The following ADAMTSL1 variants were observed in gnomAD, a reference collection of about 807,000 sequenced individuals.
ADAMTSL1 encodes the protein ADAMTS-like protein 1.
A neutral mutation model predicts 201.8 loss-of-function variants in ADAMTSL1; 126 were observed. The observed-to-expected ratio is 0.62, with a 90% confidence interval of 0.54 to 0.72. The LOEUF (loss-of-function observed/expected upper bound fraction) is 0.72. Among genes scored for constraint, ADAMTSL1 ranks in the 30% least tolerant of loss-of-function variants. The probability of loss-of-function intolerance (pLI) is 0.00; values close to 1 mark genes in which losing one functional copy is unlikely to be tolerated. For missense variants in ADAMTSL1, 2,679 were observed against 2,277.8 expected, an observed-to-expected ratio of 1.18 and a Z score of -3.59; for synonymous variants, 1,121 against 903.4, an observed-to-expected ratio of 1.24 and a Z score of -4.32.
At position 18,777,179 on chromosome 9, in the gene ADAMTSL1, A is replaced by T. The variant is rs776220647; in HGVS notation, c.2950A>T (p.Arg984Trp). Residue 984 changes from arginine to tryptophan, a missense_variant, in exon 19 of 29, where the codon AGG (arginine) becomes TGG (tryptophan). Transcript: ENST00000380548. ...PRSEEEVLAG[R>W]KGGPKEALQT... ...AAGTGAGGAAGAGGTGCTTGCGGGGAGGAAGGGCGGCCCGAAGGAGGCCCT... is the reference window on the plus strand; with the variant it reads ...AAGTGAGGAAGAGGTGCTTGCGGGGTGGAAGGGCGGCCCGAAGGAGGCCCT... 1.9e-5 allele frequency: 30 copies of T among 1,612,670 alleles called. No individual in the cohort carries two copies. Among genetic ancestry groups the T allele is most frequent in the Admixed American group, 1.0e-4 (6 of 60,002 alleles).
chr9:18,025,644 G>A (rs1313161063), intron 1 of ADAMTSL1, among the ~76,000 whole-genome samples: 1 of 152,038 alleles, frequency 6.6e-6, no homozygotes, highest in Non-Finnish European at 1.5e-5. Flanking sequence ...ATGCTGTTTT[G>A]GTTACTGTGG....
chr9:18,348,019 G>A (rs974765712), intron 2 of ADAMTSL1, among the ~76,000 whole-genome samples: 2 of 152,160 alleles, frequency 1.3e-5, no homozygotes, highest in Admixed American at 6.5e-5. Flanking sequence ...CTTGAATCCT[G>A]TTAACTTGAA....
chr9:18,626,055 A>G (rs1029043193), intron 5 of ADAMTSL1, among the ~76,000 whole-genome samples: 1 of 152,196 alleles, frequency 6.6e-6, no homozygotes, highest in African/African-American at 2.4e-5. Context: ...GGATTTTTTA[A>G]AGAAAGCACA....
chr9:18,640,253 T>C (rs1587768999), intron 7 of ADAMTSL1, among the ~76,000 whole-genome samples: 1 of 152,072 alleles, frequency 6.6e-6, no homozygotes, highest in Non-Finnish European at 1.5e-5. Flanking sequence ...TTTAATCCAG[T>C]CCAGACGCCA....
chr9:17,982,088 G>T (rs948398748), intron 1 of ADAMTSL1, among the ~76,000 whole-genome samples: 2 of 152,148 alleles, frequency 1.3e-5, no homozygotes, highest in African/African-American at 4.8e-5. Flanking sequence ...TTTCCATATG[G>T]ATAGTTCTCT....
intron 1 of ADAMTSL1, among the ~76,000 whole-genome samples, chr9:18,066,988 G>A (rs1174150229): frequency 6.6e-6 from 1 of 152,164 alleles, no homozygotes; most frequent in Admixed American, 6.5e-5. Context: ...GGACTGTTGT[G>A]GGGTGGGGGG....
intron 2 of ADAMTSL1, among the ~76,000 whole-genome samples, chr9:18,260,403 T>C (rs889638066): frequency 1.3e-5 from 2 of 152,234 alleles, no homozygotes; most frequent in Non-Finnish European, 2.9e-5. Context: ...CACAGAAATA[T>C]TCCGCAAACA....
chr9:18,278,917 G>GT (rs1225389329), intron 2 of ADAMTSL1, among the ~76,000 whole-genome samples: 7 of 150,528 alleles, frequency 4.7e-5, no homozygotes, highest in South Asian at 2.1e-4. Context: ...GAGCTCACTG[G>GT]TTTTTTTTTC....
At chr9:18,087,560 A>T (rs769220303) in intron 1 of ADAMTSL1, among the ~76,000 whole-genome samples, 1 of 152,082 alleles carries the variant, frequency 6.6e-6, no homozygotes, top group South Asian at 2.1e-4. Flanking sequence ...CCATGTGACT[A>T]TGTAATTTTG....
intron 4 of ADAMTSL1, among the ~76,000 whole-genome samples, chr9:18,605,214 C>A (rs1014895697): frequency 6.6e-6 from 1 of 152,120 alleles, no homozygotes; most frequent in African/African-American, 2.4e-5. Flanking sequence ...TCTTTGCATA[C>A]CAATGGGGTA....
intron 4 of ADAMTSL1, among the ~76,000 whole-genome samples, chr9:18,589,116 A>T (rs1475245111): frequency 6.6e-6 from 1 of 151,802 alleles, no homozygotes; most frequent in Non-Finnish European, 1.5e-5. Flanking sequence ...ACCTCAGGTG[A>T]TCTGCCCACC....
intron 1 of ADAMTSL1, among the ~76,000 whole-genome samples, chr9:18,095,509 C>T (rs575465224): frequency 6.7e-6 from 1 of 150,102 alleles, no homozygotes; most frequent in African/African-American, 2.4e-5. Context: ...TGCAACCTCC[C>T]CCTTCTAGGT....
intron 3 of ADAMTSL1, among the ~76,000 whole-genome samples, chr9:18,554,873 T>A (rs930457457): frequency 5.3e-5 from 8 of 151,778 alleles, no homozygotes; most frequent in African/African-American, 1.7e-4. Context: ...CATTGACACA[T>A]GATCAGCTAA....
chr9:18,403,232 G>A (rs1383827209), intron 2 of ADAMTSL1, among the ~76,000 whole-genome samples: 1 of 151,804 alleles, frequency 6.6e-6, no homozygotes, highest in Admixed American at 6.6e-5. Context: ...TGCCCAGGCT[G>A]GAGTGCAGTA....
chr9:18,887,518 G>A (rs553361434), intron 23 of ADAMTSL1, among the ~76,000 whole-genome samples: 48 of 152,140 alleles, frequency 3.2e-4, no homozygotes, highest in African/African-American at 8.9e-4. Context: ...TACTTACCTT[G>A]AAAAAACTGT....
intron 2 of ADAMTSL1, among the ~76,000 whole-genome samples, chr9:18,210,802 C>A (rs1350455854): frequency 6.6e-6 from 1 of 151,576 alleles, no homozygotes; most frequent in African/African-American, 2.4e-5. Flanking sequence ...ACAATATCTC[C>A]TGATGCTCTT....
chr9:18,532,810 A>T (rs1167500920), intron 2 of ADAMTSL1, among the ~76,000 whole-genome samples: 1 of 151,686 alleles, frequency 6.6e-6, no homozygotes, highest in Non-Finnish European at 1.5e-5. Flanking sequence ...GACTTTCCAC[A>T]TTCTTAGAAT....
At chr9:18,050,155 G>A (rs1035002137) in intron 1 of ADAMTSL1, among the ~76,000 whole-genome samples, 8 of 152,094 alleles carry the variant, frequency 5.3e-5, no homozygotes, top group Non-Finnish European at 7.4e-5. Flanking sequence ...TGGAGTTAAA[G>A]TCTCATTATA....
At chr9:18,802,220 G>A (rs1246922320) in intron 20 of ADAMTSL1, among the ~76,000 whole-genome samples, 2 of 152,078 alleles carry the variant, frequency 1.3e-5, no homozygotes, top group Non-Finnish European at 2.9e-5. Context: ...AGGCTGCAGT[G>A]AGCCAATACC....
Sources: gnomAD v4.1 joint callset for allele counts (sites outside exome capture counted in the v4.1 genomes callset) on GRCh38, gnomAD v4.1.1 for gene constraint, MANE v1.5 for transcripts, NCBI Gene and HGNC (gene_info 2026-07-23, HGNC 2026-07-21) for gene names.